The following CIT variants were observed in gnomAD, a reference collection of about 807,000 sequenced individuals.
CIT encodes the protein citron Rho-interacting kinase.
Under a neutral mutation model 272.7 loss-of-function variants are expected in CIT, and 79 were observed. The observed-to-expected ratio is 0.29, with a 90% CI of 0.24 to 0.35. The LOEUF is 0.35. Among genes scored for constraint, CIT ranks in the 10% least tolerant of loss-of-function variants. The pLI is 1.00. For missense variants in CIT, 1,909 were observed against 2,618.3 expected (o/e 0.73, Z 5.91); for synonymous variants, 948 against 995.6 (o/e 0.95, Z 0.90).
chr12:119,773,838 A>G (rs1033378584), intron 16 of CIT, among the ~76,000 whole-genome samples: 1 of 152,214 alleles, frequency 6.6e-6, no homozygotes. Context: ...AGATGGAGAC[A>G]CGTGTCCTCT....
At chr12:119,822,736 T>C in intron 9 of CIT, 84 bp downstream of exon 9, 2 of 1,438,608 alleles carry the variant, frequency 1.4e-6, no homozygotes, top group East Asian at 2.3e-5. Context: ...TTACAGAAGC[T>C]TCTTTGGGCC....
intron 5 of CIT, among the ~76,000 whole-genome samples, chr12:119,847,933 A>C (rs1969935165): frequency 6.6e-6 from 1 of 152,156 alleles, no homozygotes; most frequent in South Asian, 2.1e-4. Context: ...AAAGTCTGTT[A>C]ATACATTCAA....
At chr12:119,820,811 T>C (rs1967639805) in intron 9 of CIT, among the ~76,000 whole-genome samples, 1 of 150,400 alleles carries the variant, frequency 6.6e-6, no homozygotes, top group Non-Finnish European at 1.5e-5. Flanking sequence ...TCTCTACAAA[T>C]ACAAAAAAAT....
Position 119,784,795 on chromosome 12 carries a change from T to C in CIT, c.1401+165A>G. On this transcript the variant is annotated intron_variant, in intron 11 of 47. Transcript: ENST00000392521. The surrounding 1 kb of genome is among the most constrained non-coding windows in gnomAD (Gnocchi z 4.7). ...ACAGCAACAGCAAGGCCCGAATTCA[T>C]CTCCCTCTGAGCTGCTGGAGGCGCG... The C allele has an allele frequency of 7.0e-7, 1 of 1,433,394 alleles. No homozygotes were observed. Among genetic ancestry groups the C allele is most frequent in the Non-Finnish European group, 9.1e-7 (1 of 1,095,626 alleles). The allele number at this position is 1,433,394 out of a possible 1,614,324, so 88.8% of individuals were successfully genotyped here. A position where few individuals can be genotyped will look rare whatever the true frequency, so the allele number is the denominator to read the frequency against.
chr12:119,851,084 T>G (rs1970196199), intron 4 of CIT, among the ~76,000 whole-genome samples: 1 of 152,146 alleles, frequency 6.6e-6, no homozygotes, highest in Non-Finnish European at 1.5e-5. Flanking sequence ...ACTCATGGTT[T>G]TCCCTTTTTA....
chr12:119,716,067 T>C (rs1957450850), intron 32 of CIT, among the ~76,000 whole-genome samples: 1 of 152,140 alleles, frequency 6.6e-6, no homozygotes, highest in Admixed American at 6.6e-5. Context: ...GTCATCACCA[T>C]TTTAATGAGT....
intron 28 of CIT, among the ~76,000 whole-genome samples, chr12:119,723,224 T>C (rs1229287197): frequency 6.6e-6 from 1 of 152,086 alleles, no homozygotes; most frequent in Non-Finnish European, 1.5e-5. Flanking sequence ...TTACCCTCTT[T>C]AGTTTCTTCC....
intron 9 of CIT, among the ~76,000 whole-genome samples, chr12:119,813,705 T>C (rs1187472670): frequency 6.6e-6 from 1 of 152,230 alleles, no homozygotes; most frequent in African/African-American, 2.4e-5. Context: ...TTATCTCACT[T>C]AGAATTGATT....
chr12:119,713,233 C>T lies in CIT; in HGVS notation c.4549G>A (p.Val1517Ile). ...RKYIVLEGSK[V>I]LIYDNEAREA... is the part of the protein sequence containing the mutation. The stretch of plus-strand genomic sequence containing the variant: ...CTGGCTTCATTGTCATAAATGAGGA[C>T]TTTTGATCCCTCCAGGACAATGTAC... Residue 1517 changes from valine (V) to isoleucine (I), a missense_variant, in exon 35 of 48, where the codon GTC becomes ATC. Around this residue, in one of 8 missense-constraint regions of CIT, gnomAD observed 780 missense variants for 1,067.2 expected, o/e 0.73. Coordinates refer to ENST00000392521, the MANE Select transcript of CIT (RefSeq NM_001206999.2). This position sits in a 1 kb window ranked among gnomAD's most constrained non-coding sequence, Gnocchi z 5.2. The T allele has an allele frequency of 1.2e-6, 2 of 1,614,060 alleles. No individual in the cohort carries two copies. Among genetic ancestry groups the T allele is most frequent in the Non-Finnish European group, 1.7e-6 (2 of 1,179,954 alleles).
chr12:119,711,692 G>A (rs1957167297), intron 37 of CIT, among the ~76,000 whole-genome samples: 1 of 152,172 alleles, frequency 6.6e-6, no homozygotes, highest in South Asian at 2.1e-4. Context: ...GCCTCGCTCT[G>A]TTGCCCAGGC....
intron 17 of CIT, among the ~76,000 whole-genome samples, chr12:119,772,153 G>A (rs1388964154): frequency 2.6e-4 from 10 of 39,208 alleles, no homozygotes; most frequent in Non-Finnish European, 4.2e-4. Flanking sequence ...ACTACGGCAC[G>A]CCCCTTCTGT....
At chr12:119,824,108 GTATATATATATATATATATA>G (rs59234933) in intron 8 of CIT, among the ~76,000 whole-genome samples, 5 of 125,516 alleles carry the variant, frequency 4.0e-5, no homozygotes, top group East Asian at 2.4e-4. Context: ...TAGTTTTACT[GTATATATATATATATATATA>G]TATATATATA....
At position 119,713,145 on chromosome 12, in the gene CIT, A is replaced by G; in HGVS notation, c.4579+58T>C. On this transcript the variant is annotated intron_variant, in intron 35 of 47. Transcript: ENST00000392521. This position sits in a 1 kb window ranked among gnomAD's most constrained non-coding sequence, Gnocchi z 5.2. ...CAAAAAACAAAGCCTTCGCGCCAGC[A>G]CTGGGGAGACCTGGGTTAGCCACGT... 1 of 1,323,134 alleles carries G rather than the reference A, an allele frequency of 7.6e-7. No homozygotes were observed. The allele number at this position is 1,323,134 out of a possible 1,614,324, so 82.0% of individuals were successfully genotyped here.
intron 47 of CIT, among the ~76,000 whole-genome samples, chr12:119,688,981 C>A (rs953298557): frequency 8.0e-6 from 1 of 124,956 alleles, no homozygotes; most frequent in African/African-American, 3.2e-5. Flanking sequence ...GGCAACATAG[C>A]GACATTATGT....
chr12:119,765,407 A>G (rs1962322694), intron 19 of CIT, among the ~76,000 whole-genome samples: 1 of 143,158 alleles, frequency 7.0e-6, no homozygotes, highest in Non-Finnish European at 1.5e-5. Flanking sequence ...ATATTATATA[A>G]CATATATATA....
At chr12:119,732,009 T>C (rs1593513589) in intron 26 of CIT, among the ~76,000 whole-genome samples, 1 of 151,940 alleles carries the variant, frequency 6.6e-6, no homozygotes, top group East Asian at 1.9e-4. Context: ...CTAATTTTTG[T>C]ATTTTTTGTA....
chr12:119,870,279 G>A (rs575616475), intron 2 of CIT, among the ~76,000 whole-genome samples: 1 of 152,208 alleles, frequency 6.6e-6, no homozygotes, highest in South Asian at 2.1e-4. Context: ...GGCCAGACAC[G>A]GTGGCTCACA....
At chr12:119,877,162 A>T (rs1345620812) in intron 1 of CIT, 87 bp downstream of exon 1, 2 of 151,784 alleles carry the variant, frequency 1.3e-5, no homozygotes, top group Non-Finnish European at 1.5e-5. Flanking sequence ...CGGGAGGGAA[A>T]CCCGGGACTT....
In CIT at chr12:119,728,778, T is replaced by C. The variant is rs1005414431; in HGVS notation, c.3487-172A>G. 1.1e-4 allele frequency among the ~76,000 whole-genome samples: 16 copies of C among 152,232 alleles called. No individual in the cohort carries two copies. Among genetic ancestry groups the C allele is most frequent in the African/African-American group, 2.9e-4 (12 of 41,468 alleles). ...GTCCCTGTCACTGGTGAGTCTTCCA[T>C]AGGTTATTATATGAGGATGGAAATT... On this transcript the variant is annotated intron_variant, in intron 27 of 47. Coordinates refer to ENST00000392521, the MANE Select transcript of CIT (RefSeq NM_001206999.2). This position sits in a 1 kb window ranked among gnomAD's most constrained non-coding sequence, Gnocchi z 4.3.
Sources: allele counts gnomAD v4.1 joint callset (sites outside exome capture counted in the v4.1 genomes callset), GRCh38; gene constraint gnomAD v4.1.1; regional missense constraint gnomAD v4.1.1; non-coding constraint Gnocchi (gnomAD v3.1); transcripts MANE v1.5; gene names NCBI Gene and HGNC (gene_info 2026-07-23, HGNC 2026-07-21).